PYROXD1: variants seen among roughly 807,000 people sequenced by gnomAD.
PYROXD1 encodes pyridine nucleotide-disulphide oxidoreductase domain 1.
Under a neutral mutation model 62.0 loss-of-function variants are expected in PYROXD1, and 42 were observed. The observed-to-expected ratio is 0.68, with a 90% confidence interval of 0.53 to 0.88. PYROXD1 has a LOEUF of 0.88. PYROXD1 is among the 40% of genes least tolerant of loss of function. PYROXD1 has a pLI of 0.00. For missense variants in PYROXD1, 493 were observed against 604.8 expected (o/e 0.82, Z 1.94); for synonymous variants, 170 against 206.4 (o/e 0.82, Z 1.51).
intron 10 of PYROXD1, among the ~76,000 whole-genome samples, chr12:21,464,737 ATT>A (rs1942760614): frequency 9.0e-6 from 1 of 111,178 alleles, no homozygotes; most frequent in Non-Finnish European, 2.0e-5. Context: ...TTTTTTTTTT[ATT>A]ATTATATTTA....
intron 10 of PYROXD1, among the ~76,000 whole-genome samples, chr12:21,466,306 A>G (rs1178892918): frequency 6.6e-6 from 1 of 150,498 alleles, no homozygotes; most frequent in Non-Finnish European, 1.5e-5. Flanking sequence ...TGAGCATGGA[A>G]TGTTCTTCCA....
chr12:21,438,071 T>A (rs536214414), intron 1 of PYROXD1: 1 of 539,980 alleles, frequency 1.9e-6, no homozygotes, highest in East Asian at 3.3e-5. Context: ...CGTGCTCAGA[T>A]CCTTGTAATG....
At chr12:21,461,944 C>A in intron 8 of PYROXD1, 64 bp from the exon 9 acceptor site, 1 of 919,244 alleles carries the variant, frequency 1.1e-6, no homozygotes, top group Non-Finnish European at 1.7e-6. Context: ...TAGTCACATA[C>A]ACTGCTGTGG....
At chr12:21,464,049 G>A (rs563891407) in intron 10 of PYROXD1, among the ~76,000 whole-genome samples, 2 of 152,062 alleles carry the variant, frequency 1.3e-5, no homozygotes, top group Admixed American at 1.3e-4. Context: ...CAGTAAGAAT[G>A]GTTCCAGCCT....
chr12:21,437,947 G>T (rs1942222715), intron 1 of PYROXD1, 133 bp downstream of exon 1: 4 of 786,652 alleles, frequency 5.1e-6, no homozygotes, highest in Admixed American at 5.8e-5. Context: ...CGCACTTATT[G>T]CTCCCAGATT....
At chr12:21,453,350 C>G (rs904633287) in intron 5 of PYROXD1, among the ~76,000 whole-genome samples, 7 of 151,972 alleles carry the variant, frequency 4.6e-5, no homozygotes, top group African/African-American at 1.2e-4. Flanking sequence ...TAAAAATGGA[C>G]CCACATAATG....
chr12:21,444,299 T>C (rs1022749244), intron 2 of PYROXD1, among the ~76,000 whole-genome samples: 8 of 152,348 alleles, frequency 5.3e-5, no homozygotes, highest in African/African-American at 1.9e-4. Flanking sequence ...ATTATCTTTA[T>C]GATTTATTGA....
chr12:21,443,714 G>A (rs1942337404), intron 2 of PYROXD1, among the ~76,000 whole-genome samples: 1 of 152,082 alleles, frequency 6.6e-6, no homozygotes, highest in African/African-American at 2.4e-5. Flanking sequence ...TACTACCATA[G>A]CCCTTCATTT....
At chr12:21,458,274 G>A (rs1942635219) in intron 7 of PYROXD1, among the ~76,000 whole-genome samples, 1 of 152,204 alleles carries the variant, frequency 6.6e-6, no homozygotes, top group Admixed American at 6.5e-5. Flanking sequence ...TTCTTCTGCA[G>A]CTTCCTCACT....
intron 3 of PYROXD1, 63 bp downstream of exon 3, chr12:21,445,529 C>T (rs1942370512): frequency 6.8e-7 from 1 of 1,466,568 alleles, no homozygotes; most frequent in Middle Eastern, 1.8e-4. Context: ...TTTTGCCTGC[C>T]TCTTTTCACT....
intron 2 of PYROXD1, among the ~76,000 whole-genome samples, chr12:21,442,390 T>C (rs571307874): frequency 6.6e-6 from 1 of 152,328 alleles, no homozygotes; most frequent in East Asian, 1.9e-4. Context: ...ACATGTGTGC[T>C]CAGAGTTACA....
intron 7 of PYROXD1, among the ~76,000 whole-genome samples, chr12:21,458,970 C>T (rs1334614566): frequency 6.6e-6 from 1 of 152,120 alleles, no homozygotes; most frequent in Non-Finnish European, 1.5e-5. Flanking sequence ...GTGGGTTTGT[C>T]ACAAACCTTC....
intron 3 of PYROXD1, among the ~76,000 whole-genome samples, chr12:21,449,327 T>C (rs1175023731): frequency 6.6e-6 from 1 of 151,182 alleles, no homozygotes; most frequent in Non-Finnish European, 1.5e-5. Flanking sequence ...AAGACTAGTT[T>C]TCAGGAGATC....
intron 2 of PYROXD1, among the ~76,000 whole-genome samples, chr12:21,441,952 A>G (rs1942303132): frequency 6.6e-6 from 1 of 152,228 alleles, no homozygotes; most frequent in Non-Finnish European, 1.5e-5. Context: ...GAGGGTGCCC[A>G]CTTTGTAGTC....
At position 21,456,024 on chromosome 12, in the gene PYROXD1, A is replaced by G. The variant is rs1942589799; in HGVS notation, c.679A>G (p.Lys227Glu). 6.2e-7 allele frequency: 1 copy of G among 1,610,828 alleles called. No homozygotes were observed. Among genetic ancestry groups the G allele is most frequent in the African/African-American group, 1.3e-5 (1 of 74,818 alleles). Residue 227 changes from lysine (K) to glutamate (E), a missense_variant, in exon 7 of 12, where the codon AAA (lysine) becomes GAA (glutamate). Around this residue, in one of 2 missense-constraint regions of PYROXD1, gnomAD observed 329 missense variants for 446.6 expected, o/e 0.74. Transcript: ENST00000240651. Reference protein sequence around the residue: ...GRKKEARSKSKADNVGSALGP... With the variant: ...GRKKEARSKSEADNVGSALGP... ...GAAAAAGGAAGCTAGAAGCAAATCTAAAGCAGATAATGTAGGAAGTGCATT... is the reference window on the plus strand; with the variant it reads ...GAAAAAGGAAGCTAGAAGCAAATCTGAAGCAGATAATGTAGGAAGTGCATT...
intron 1 of PYROXD1, chr12:21,438,156 T>G (rs544836442): frequency 6.4e-4 from 141 of 220,586 alleles, no homozygotes; most frequent in African/African-American, 3.0e-3. Context: ...TTTCTTTTTC[T>G]TTGAGACGGA....
chr12:21,454,224 C>T (rs1289070549), intron 5 of PYROXD1, among the ~76,000 whole-genome samples: 1 of 151,932 alleles, frequency 6.6e-6, no homozygotes, highest in Admixed American at 6.6e-5. Flanking sequence ...GATGACAATA[C>T]TTTGTACCGT....
At chr12:21,442,004 C>T (rs192533243) in intron 2 of PYROXD1, among the ~76,000 whole-genome samples, 104 of 152,342 alleles carry the variant, frequency 6.8e-4, no homozygotes, top group African/African-American at 2.4e-3. Context: ...TTGAAGATTG[C>T]AGGGATCCTC....
chr12:21,462,174 A>C, intron 9 of PYROXD1, 54 bp downstream of exon 9: 1 of 958,988 alleles, frequency 1.0e-6, no homozygotes, highest in South Asian at 1.4e-5. Flanking sequence ...ATTTTTGTGA[A>C]GATCTCTAAT....
Sources: allele counts gnomAD v4.1 joint callset (sites outside exome capture counted in the v4.1 genomes callset), GRCh38; gene constraint gnomAD v4.1.1; regional missense constraint gnomAD v4.1.1; transcripts MANE v1.5; gene names NCBI Gene and HGNC (gene_info 2026-07-23, HGNC 2026-07-21).